The following MYO3B variants were observed in gnomAD, a reference collection of about 807,000 sequenced individuals.
MYO3B encodes the protein myosin-IIIb.
MYO3B carries 156 observed loss-of-function variants against 174.6 expected under a neutral mutation model. The ratio of observed to expected loss-of-function variants is 0.89; its 90% CI spans 0.78 to 1.02. The LOEUF (loss-of-function observed/expected upper bound fraction) is 1.02, where lower values mean the gene tolerates loss of function less well. MYO3B is among the 50% of genes least tolerant of loss of function. MYO3B has a pLI of 0.00. For synonymous variants in MYO3B, 563 were observed against 569.1 expected, an observed-to-expected ratio of 0.99 and a Z score of 0.15; for missense variants, 1,632 against 1,639.4, an observed-to-expected ratio of 1.00 and a Z score of 0.08.
At chr2:170,450,744 G>A (rs1574999375) in intron 23 of MYO3B, among the ~76,000 whole-genome samples, 1 of 152,258 alleles carries the variant, frequency 6.6e-6, no homozygotes, top group East Asian at 1.9e-4. Flanking sequence ...TAATTAGTTT[G>A]ACCATAAGGT....
At position 170,466,683 on chromosome 2, in the gene MYO3B, C is replaced by T. The variant is rs374406879; in HGVS notation, c.2986C>T (p.Arg996Cys). The change falls in exon 25 of 35, where the codon CGC (arginine) becomes TGC (cysteine). Residue 996 changes from arginine to cysteine, a missense_variant. Transcript: ENST00000408978. ...CATCCGCCGCCAGGGCTATTCCCAC[C>T]GCATCCTTTTTGAAGAATTTGTGAA... ...VSIRRQGYSH[R>C]ILFEEFVKRY... 131 of 1,613,974 alleles carry T rather than the reference C, an allele frequency of 8.1e-5. No individual in the cohort carries two copies. The highest frequency in any genetic ancestry group is 9.3e-5 in the Non-Finnish European group (110 of 1,179,962).
chr2:170,413,493 T>C (rs1406345401), intron 22 of MYO3B, among the ~76,000 whole-genome samples: 3 of 152,144 alleles, frequency 2.0e-5, no homozygotes, highest in Non-Finnish European at 2.9e-5. Context: ...GCTGTGCTCT[T>C]GAAGAGCACA....
At chr2:170,645,192 C>T (rs1230671873) in intron 32 of MYO3B, among the ~76,000 whole-genome samples, 2 of 151,894 alleles carry the variant, frequency 1.3e-5, no homozygotes, top group African/African-American at 2.4e-5. Flanking sequence ...ATATTCAGGC[C>T]GGGGGCAGTG....
intron 22 of MYO3B, among the ~76,000 whole-genome samples, chr2:170,439,075 G>GTT (rs369103393): frequency 6.0e-4 from 79 of 131,756 alleles, no homozygotes; most frequent in Non-Finnish European, 1.0e-3. Context: ...TATTTAAATT[G>GTT]TTTTTTTTTT....
chr2:170,407,951 A>G, intron 22 of MYO3B, 107 bp downstream of exon 22: 1 of 1,358,572 alleles, frequency 7.4e-7, no homozygotes, highest in Non-Finnish European at 1.0e-6. Context: ...CTAACATTGA[A>G]CTTCTTTAAG....
intron 23 of MYO3B, among the ~76,000 whole-genome samples, chr2:170,444,351 G>A (rs58335625): frequency 0.075 from 11,372 of 152,276 alleles, 1,144 homozygotes; most frequent in East Asian, 0.23. Context: ...AATCAGGGAG[G>A]AAAGAAACTA....
At position 170,543,765 on chromosome 2, in the gene MYO3B, T is replaced by C. The variant is rs12623840; in HGVS notation, c.3637-127T>C. On this transcript the variant is annotated intron_variant, in intron 31 of 34. Coordinates refer to ENST00000408978, the MANE Select transcript of MYO3B (RefSeq NM_138995.5). ...TAAGATGGGAGCAACTTACAAATGA[T>C]TCCAGTATACTTAGCCTCTTGCTTT... The C allele has an allele frequency of 0.045, 26,337 of 582,334 alleles. 4,357 individuals are homozygous for C. In the East Asian group the frequency reaches 0.51, roughly 11 times the overall value. The allele number at this position is 582,334 out of a possible 1,614,324, so 36.1% of individuals were successfully genotyped here.
chr2:170,264,040 T>C (rs2093364918), intron 7 of MYO3B, among the ~76,000 whole-genome samples: 1 of 152,178 alleles, frequency 6.6e-6, no homozygotes, highest in Admixed American at 6.5e-5. Flanking sequence ...TTAACAAGCA[T>C]ACTGCCTTCA....
intron 32 of MYO3B, among the ~76,000 whole-genome samples, chr2:170,594,771 G>T (rs1354730551): frequency 6.6e-6 from 1 of 151,430 alleles, no homozygotes; most frequent in Non-Finnish European, 1.5e-5. Flanking sequence ...TTCCTACCTT[G>T]CTTTTCTCTG....
chr2:170,337,376 C>T (rs2093952732), intron 8 of MYO3B, among the ~76,000 whole-genome samples: 1 of 152,128 alleles, frequency 6.6e-6, no homozygotes, highest in Non-Finnish European at 1.5e-5. Context: ...AAGCTGTTGT[C>T]CTAGAAAAAT....
chr2:170,615,239 A>G (rs779299312), intron 32 of MYO3B, among the ~76,000 whole-genome samples: 4 of 152,214 alleles, frequency 2.6e-5, no homozygotes, highest in Non-Finnish European at 4.4e-5. Flanking sequence ...AGTACCTACC[A>G]TGTACCAAAC....
intron 32 of MYO3B, among the ~76,000 whole-genome samples, chr2:170,546,825 TA>T (rs1690524650): frequency 6.6e-6 from 1 of 152,122 alleles, no homozygotes; most frequent in Non-Finnish European, 1.5e-5. Context: ...CTTTTCAGTT[TA>T]AAAAAACACT....
intron 25 of MYO3B, among the ~76,000 whole-genome samples, chr2:170,472,082 T>A (rs1685010432): frequency 6.6e-6 from 1 of 152,156 alleles, no homozygotes; most frequent in African/African-American, 2.4e-5. Context: ...CTATATCTTT[T>A]CTGGGCCTTT....
At chr2:170,388,379 C>A (rs182536910) in intron 14 of MYO3B, among the ~76,000 whole-genome samples, 18 of 152,216 alleles carry the variant, frequency 1.2e-4, no homozygotes, top group Admixed American at 5.2e-4. Context: ...CGACACATAA[C>A]CTAGTCTAGG....
chr2:170,605,750 C>T (rs1002705615), intron 32 of MYO3B, among the ~76,000 whole-genome samples: 3 of 152,062 alleles, frequency 2.0e-5, no homozygotes, highest in Admixed American at 1.3e-4. Context: ...ATCCCAGCTA[C>T]TCGGGAGGTT....
chr2:170,270,483 T>G (rs990288098), intron 7 of MYO3B, among the ~76,000 whole-genome samples: 3 of 152,206 alleles, frequency 2.0e-5, no homozygotes, highest in African/African-American at 7.2e-5. Context: ...GCAGCTGGCT[T>G]AGATCTGATG....
intron 7 of MYO3B, among the ~76,000 whole-genome samples, chr2:170,329,047 G>A (rs1348452507): frequency 1.3e-5 from 2 of 151,756 alleles, no homozygotes; most frequent in Non-Finnish European, 2.9e-5. Context: ...AGCTACTTGG[G>A]AAGCTGAGAC....
intron 8 of MYO3B, among the ~76,000 whole-genome samples, chr2:170,338,549 T>C (rs1402168123): frequency 2.0e-5 from 3 of 152,134 alleles, no homozygotes; most frequent in African/African-American, 7.2e-5. Context: ...ATTATTATAT[T>C]ATATATCTTT....
intron 6 of MYO3B, among the ~76,000 whole-genome samples, chr2:170,220,252 C>G (rs1353265275): frequency 7.6e-6 from 1 of 131,446 alleles, no homozygotes; most frequent in Non-Finnish European, 1.6e-5. Context: ...AGTGAGACTC[C>G]GTCTCAAAAA....
Sources: gnomAD v4.1 joint callset for allele counts (sites outside exome capture counted in the v4.1 genomes callset) on GRCh38, gnomAD v4.1.1 for gene constraint, MANE v1.5 for transcripts, NCBI Gene and HGNC (gene_info 2026-07-23, HGNC 2026-07-21) for gene names.